Variants in WDFY2 observed in about 807,000 individuals in gnomAD.
WDFY2 encodes WD repeat and FYVE domain-containing protein 2.
Under a neutral mutation model 56.4 loss-of-function variants are expected in WDFY2, and 36 were observed. The observed-to-expected ratio is 0.64, with a 90% CI of 0.49 to 0.84. WDFY2 has a LOEUF of 0.84. Ranked by LOEUF, WDFY2 falls within the 40% of genes least tolerant of loss-of-function variation. The probability of loss-of-function intolerance (pLI) is 0.00; values close to 1 mark genes in which losing one functional copy is unlikely to be tolerated. For missense variants in WDFY2, 444 were observed against 512.2 expected, an observed-to-expected ratio of 0.87 and a Z score of 1.29; for synonymous variants, 176 against 183.7, an observed-to-expected ratio of 0.96 and a Z score of 0.34.
At chr13:51,663,246 C>T (rs1296891708) in intron 2 of WDFY2, among the ~76,000 whole-genome samples, 1 of 152,172 alleles carries the variant, frequency 6.6e-6, no homozygotes, top group Non-Finnish European at 1.5e-5. Flanking sequence ...TGTTGATGAT[C>T]TATGTACATG....
Position 51,759,792 on chromosome 13 carries a change from G to T in WDFY2, c.*23G>T. On this transcript the variant is annotated 3_prime_UTR_variant, in exon 12 of 12. Transcript: ENST00000298125. ...TGATGACTCTCCCAGGAATCAGAAA[G>T]ATAGTATTTACTAAAGAAACGGTTG... 6.2e-7 allele frequency: 1 copy of T among 1,612,872 alleles called. No homozygotes were observed. Among genetic ancestry groups the T allele is most frequent in the Non-Finnish European group, 8.5e-7 (1 of 1,179,154 alleles).
At chr13:51,666,955 G>A (rs1192224114) in intron 2 of WDFY2, among the ~76,000 whole-genome samples, 1 of 152,166 alleles carries the variant, frequency 6.6e-6, no homozygotes, top group Admixed American at 6.5e-5. Context: ...ATGGCTTGTA[G>A]GTTAGACCTT....
intron 2 of WDFY2, among the ~76,000 whole-genome samples, chr13:51,670,505 A>G (rs985574517): frequency 6.7e-6 from 1 of 149,102 alleles, no homozygotes; most frequent in African/African-American, 2.5e-5. Context: ...ACACACACAC[A>G]CACACACACA....
chr13:51,673,112 A>G (rs186477339), intron 2 of WDFY2, among the ~76,000 whole-genome samples: 7 of 152,330 alleles, frequency 4.6e-5, no homozygotes, highest in East Asian at 1.9e-4. Context: ...TGCCTTGAAC[A>G]TAGTAAGGAT....
At chr13:51,615,173 G>A (rs1029734223) in intron 1 of WDFY2, among the ~76,000 whole-genome samples, 2 of 152,066 alleles carry the variant, frequency 1.3e-5, no homozygotes, top group African/African-American at 2.4e-5. Context: ...AGTTAGAGAG[G>A]ATATTTGCAA....
In WDFY2 at chr13:51,689,519, G is replaced by A. The variant is rs149510190; in HGVS notation, c.280-14077G>A. ...TATCTTTAGTTTTCTTGTTTCCGAC[G>A]CTTCCATGTAGTATGACATATGCCC... On this transcript the variant is annotated intron_variant, in intron 3 of 11. Coordinates refer to ENST00000298125, the MANE Select transcript of WDFY2 (RefSeq NM_052950.4). Among the ~76,000 whole-genome samples, 8 of 152,226 alleles carry A rather than the reference G, an allele frequency of 5.3e-5. No individual in the cohort carries two copies. The East Asian group carries it at 1.2e-3, about 22-fold the overall frequency.
At chr13:51,750,708 T>C (rs530985157) in intron 7 of WDFY2, among the ~76,000 whole-genome samples, 33 of 151,792 alleles carry the variant, frequency 2.2e-4, no homozygotes, top group African/African-American at 8.0e-4. Flanking sequence ...GAAAGAAAAA[T>C]AAAACAGAAT....
intron 1 of WDFY2, among the ~76,000 whole-genome samples, 164 bp from the exon 2 acceptor site, chr13:51,660,432 T>C (rs7336777): frequency 6.6e-6 from 1 of 151,918 alleles, no homozygotes; most frequent in African/African-American, 2.4e-5. Context: ...ACTCCTGACC[T>C]CAAGTGATAC....
chr13:51,660,517 A>C (rs778638341), intron 1 of WDFY2, 79 bp from the exon 2 acceptor site: 94 of 1,403,360 alleles, frequency 6.7e-5, no homozygotes, highest in Non-Finnish European at 8.9e-5. Flanking sequence ...TAATATTAAG[A>C]GATTTGTTTT....
chr13:51,671,578 A>G (rs918445724), intron 2 of WDFY2, among the ~76,000 whole-genome samples: 1 of 151,704 alleles, frequency 6.6e-6, no homozygotes, highest in African/African-American at 2.4e-5. Flanking sequence ...GTGTGTGCTA[A>G]TTTGTTTGAG....
At chr13:51,748,559 A>G (rs1953156420) in intron 7 of WDFY2, among the ~76,000 whole-genome samples, 1 of 152,192 alleles carries the variant, frequency 6.6e-6, no homozygotes, top group African/African-American at 2.4e-5. Context: ...ATAAACATAG[A>G]TGATAACACA....
intron 4 of WDFY2, among the ~76,000 whole-genome samples, chr13:51,718,787 C>T (rs551958807): frequency 2.7e-4 from 41 of 152,242 alleles, no homozygotes; most frequent in East Asian, 2.5e-3. Context: ...CATAAACTGA[C>T]GGTAGTGATA....
chr13:51,663,324 C>T (rs1302546778), intron 2 of WDFY2, among the ~76,000 whole-genome samples: 1 of 152,086 alleles, frequency 6.6e-6, no homozygotes, highest in African/African-American at 2.4e-5. Context: ...TGTAAGTATA[C>T]ATGCTAGTCA....
chr13:51,647,344 C>G (rs1455960708), intron 1 of WDFY2, among the ~76,000 whole-genome samples: 1 of 152,178 alleles, frequency 6.6e-6, no homozygotes, highest in Non-Finnish European at 1.5e-5. Flanking sequence ...CCTGTCATTC[C>G]TAGGCGACAA....
rs1952434991 is a variant in WDFY2, at chr13:51,719,279, C to G, written c.416C>G (p.Ala139Gly). Residue 139 changes from alanine (A) to glycine (G), a missense_variant, in exon 5 of 12, where the codon GCC becomes GGC. Ala to Gly is a moderately conservative substitution (Grantham distance 60). Transcript: ENST00000298125. ...VLSTGQDKQF[A>G]WHCSESGQRL... is the part of the protein sequence containing the mutation. Reference sequence around the variant, plus strand: ...AGCACAGGACAGGACAAGCAATTTGCCTGGCACTGCTCTGAGAGTGGGCAG... The same window carrying G: ...AGCACAGGACAGGACAAGCAATTTGGCTGGCACTGCTCTGAGAGTGGGCAG... 6.2e-7 allele frequency: 1 copy of G among 1,613,996 alleles called. No individual in the cohort carries two copies. The highest frequency in any genetic ancestry group is 1.3e-5 in the African/African-American group (1 of 74,918).
At chr13:51,614,465 A>C (rs1225346468) in intron 1 of WDFY2, among the ~76,000 whole-genome samples, 1 of 152,226 alleles carries the variant, frequency 6.6e-6, no homozygotes, top group African/African-American at 2.4e-5. Flanking sequence ...AGGGTTGGTC[A>C]GTGGCTCAGA....
Position 51,584,526 on chromosome 13 carries a change from T to G in WDFY2, c.-162T>G. The stretch of plus-strand genomic sequence containing the variant: ...GGTGCCTGAAGCAGGGAGCGCGGAG[T>G]CGTTCCCGAGAGAGGCGGCCAGGCT... On this transcript the variant is annotated 5_prime_UTR_variant, in exon 1 of 12. Coordinates refer to ENST00000298125, the MANE Select transcript of WDFY2 (RefSeq NM_052950.4). The G allele has an allele frequency of 2.1e-6, 2 of 965,286 alleles. No homozygotes were observed. The highest frequency in any genetic ancestry group is 1.5e-6 in the Non-Finnish European group (1 of 687,680). The allele number at this position is 965,286 out of a possible 1,614,324, so 59.8% of individuals were successfully genotyped here.
chr13:51,718,124 T>A (rs1304157118), intron 4 of WDFY2, among the ~76,000 whole-genome samples: 1 of 152,190 alleles, frequency 6.6e-6, no homozygotes, highest in Non-Finnish European at 1.5e-5. Flanking sequence ...CTAACTCTGT[T>A]TTCATGATCA....
At chr13:51,671,865 C>G (rs1278452494) in intron 2 of WDFY2, among the ~76,000 whole-genome samples, 2 of 145,674 alleles carry the variant, frequency 1.4e-5, no homozygotes, top group Middle Eastern at 3.5e-3. Context: ...CTTACTGCAA[C>G]CTCTGCCTCC....
Sources: allele counts gnomAD v4.1 joint callset (sites outside exome capture counted in the v4.1 genomes callset), GRCh38; gene constraint gnomAD v4.1.1; transcripts MANE v1.5; gene names NCBI Gene and HGNC (gene_info 2026-07-23, HGNC 2026-07-21).